The following RABGAP1L variants were observed in gnomAD, a reference collection of about 807,000 sequenced individuals.
The protein encoded by RABGAP1L is rab GTPase-activating protein 1-like.
A neutral mutation model predicts 137.7 loss-of-function variants in RABGAP1L; 63 were observed. That is an observed-to-expected ratio of 0.46 (90% CI 0.37 to 0.56). The LOEUF is 0.56. Among genes scored for constraint, RABGAP1L ranks in the 20% least tolerant of loss-of-function variants. RABGAP1L has a pLI of 0.00. For synonymous variants in RABGAP1L, 431 were observed against 433.7 expected (o/e 0.99, Z 0.08); for missense variants, 1,095 against 1,244.0 (o/e 0.88, Z 1.80).
intron 17 of RABGAP1L, among the ~76,000 whole-genome samples, chr1:174,733,076 G>C (rs939799868): frequency 6.6e-6 from 1 of 152,124 alleles, no homozygotes; most frequent in Non-Finnish European, 1.5e-5. Context: ...ATATAGTTAG[G>C]AGGAGATGCA....
intron 13 of RABGAP1L, among the ~76,000 whole-genome samples, chr1:174,542,559 G>A (rs901565155): frequency 6.6e-6 from 1 of 151,980 alleles, no homozygotes; most frequent in Non-Finnish European, 1.5e-5. Context: ...TGGATTCATT[G>A]ATTTTTTGAA....
chr1:174,267,980 A>C (rs1674214507), intron 7 of RABGAP1L, among the ~76,000 whole-genome samples: 1 of 152,150 alleles, frequency 6.6e-6, no homozygotes, highest in Non-Finnish European at 1.5e-5. Flanking sequence ...TCTCTACTTC[A>C]GTCTTTTTAG....
chr1:174,176,961 A>G (rs186296708), intron 1 of RABGAP1L, among the ~76,000 whole-genome samples: 245 of 152,208 alleles, frequency 1.6e-3, no homozygotes, highest in Non-Finnish European at 2.8e-3. Flanking sequence ...CTGTAATCCC[A>G]GCTACTCGGG....
chr1:174,778,869 C>A (rs537025800), intron 18 of RABGAP1L, among the ~76,000 whole-genome samples: 35 of 152,300 alleles, frequency 2.3e-4, no homozygotes, highest in Non-Finnish European at 3.7e-4. Context: ...GCTGGGATTA[C>A]AGGAGTGAGC....
chr1:174,961,086 C>T (rs1460625708), intron 20 of RABGAP1L, among the ~76,000 whole-genome samples: 1 of 152,086 alleles, frequency 6.6e-6, no homozygotes, highest in Non-Finnish European at 1.5e-5. Flanking sequence ...TTTGAAAGAA[C>T]AATGTAGAAT....
chr1:174,328,261 A>T (rs1008306187), intron 11 of RABGAP1L, among the ~76,000 whole-genome samples: 2 of 151,904 alleles, frequency 1.3e-5, no homozygotes, highest in Non-Finnish European at 2.9e-5. Context: ...TCTCAACTGC[A>T]TATGAAACAT....
intron 11 of RABGAP1L, among the ~76,000 whole-genome samples, chr1:174,328,011 A>ATATATATATATATATATG (rs1558136503): frequency 7.4e-6 from 1 of 134,874 alleles, no homozygotes; most frequent in African/African-American, 3.0e-5. Flanking sequence ...ATATATATAT[A>ATATATATATATATATATG]TATATATATA....
intron 11 of RABGAP1L, among the ~76,000 whole-genome samples, chr1:174,321,059 AG>A (rs1679924398): frequency 6.6e-6 from 1 of 152,008 alleles, no homozygotes; most frequent in Non-Finnish European, 1.5e-5. Flanking sequence ...TCCTAGGGGG[AG>A]GTCTCTAAAA....
intron 17 of RABGAP1L, among the ~76,000 whole-genome samples, chr1:174,709,263 C>T (rs1177151737): frequency 6.6e-6 from 1 of 152,220 alleles, no homozygotes; most frequent in African/African-American, 2.4e-5. Flanking sequence ...CAGACTTAAA[C>T]ATTCCAGCCT....
At chr1:174,379,997 AG>A (rs1347848082) in intron 12 of RABGAP1L, among the ~76,000 whole-genome samples, 2 of 90,710 alleles carry the variant, frequency 2.2e-5, no homozygotes, top group East Asian at 6.2e-4. Flanking sequence ...TTTAGCATGA[AG>A]GGTTGTTGAA....
intron 19 of RABGAP1L, among the ~76,000 whole-genome samples, chr1:174,940,547 G>C (rs147031176): frequency 3.3e-5 from 5 of 152,054 alleles, no homozygotes; most frequent in Non-Finnish European, 7.4e-5. Context: ...CAAAATACTA[G>C]AATCACAAGC....
At chr1:174,435,316 T>G (rs1203898448) in intron 13 of RABGAP1L, among the ~76,000 whole-genome samples, 1 of 152,214 alleles carries the variant, frequency 6.6e-6, no homozygotes, top group African/African-American at 2.4e-5. Flanking sequence ...CTGCACCTGT[T>G]CATCTTTGTC....
At chr1:174,228,233 A>G (rs115962061) in intron 3 of RABGAP1L, among the ~76,000 whole-genome samples, 1,792 of 151,806 alleles carry the variant, frequency 0.012, 24 homozygotes, top group Non-Finnish European at 0.016. Context: ...TTATATTTGG[A>G]ATCTGTAGAG....
At chr1:174,464,785 A>G (rs1319563186) in intron 13 of RABGAP1L, among the ~76,000 whole-genome samples, 1 of 151,424 alleles carries the variant, frequency 6.6e-6, no homozygotes, top group Non-Finnish European at 1.5e-5. Context: ...CTTCTTCCAT[A>G]GAAAGATTAC....
At chr1:174,676,448 A>G (rs575410685) in intron 14 of RABGAP1L, among the ~76,000 whole-genome samples, 3 of 152,214 alleles carry the variant, frequency 2.0e-5, no homozygotes, top group African/African-American at 7.2e-5. Flanking sequence ...TCTTCCATAG[A>G]GATTTTAAAT....
intron 13 of RABGAP1L, among the ~76,000 whole-genome samples, chr1:174,509,432 A>T (rs1662132741): frequency 6.6e-6 from 1 of 152,058 alleles, no homozygotes; most frequent in Admixed American, 6.5e-5. Flanking sequence ...TCCTCAGGTA[A>T]TGTACAATAA....
chr1:174,705,981 G>T (rs896200124), intron 17 of RABGAP1L, among the ~76,000 whole-genome samples: 5 of 152,066 alleles, frequency 3.3e-5, no homozygotes, highest in Non-Finnish European at 7.4e-5. Context: ...GAAGCTCTCA[G>T]GTAGAAAAGT....
chr1:174,746,863 A>G (rs76224521), intron 17 of RABGAP1L, among the ~76,000 whole-genome samples: 10,994 of 152,248 alleles, frequency 0.072, 1,363 homozygotes, highest in African/African-American at 0.25. Context: ...TAATTAATTC[A>G]TATCTTGGCA....
At chr1:174,392,298 A>G (rs1647260389) in intron 12 of RABGAP1L, among the ~76,000 whole-genome samples, 1 of 152,274 alleles carries the variant, frequency 6.6e-6, no homozygotes, top group Admixed American at 6.5e-5. Context: ...ATGTTCTTCC[A>G]TATTATTTTT....
Sources: allele counts gnomAD v4.1 joint callset (sites outside exome capture counted in the v4.1 genomes callset), GRCh38; gene constraint gnomAD v4.1.1; transcripts MANE v1.5; gene names NCBI Gene and HGNC (gene_info 2026-07-23, HGNC 2026-07-21).